The following SCAMP1 variants were observed in gnomAD, a reference collection of about 807,000 sequenced individuals.
SCAMP1 encodes secretory carrier-associated membrane protein 1.
SCAMP1 carries 15 observed loss-of-function variants against 41.8 expected under a neutral mutation model. The observed-to-expected ratio is 0.36, with a 90% confidence interval of 0.24 to 0.55. The LOEUF is 0.55. Among genes scored for constraint, SCAMP1 ranks in the 20% least tolerant of loss-of-function variants. The pLI is 0.86. For synonymous variants in SCAMP1, 135 were observed against 136.8 expected (o/e 0.99, Z 0.09); for missense variants, 341 against 412.6 (o/e 0.83, Z 1.50).
intron 7 of SCAMP1, among the ~76,000 whole-genome samples, chr5:78,451,749 G>A (rs535984377): frequency 3.9e-5 from 6 of 152,266 alleles, no homozygotes; most frequent in Non-Finnish European, 7.4e-5. Context: ...CCACCTCCTC[G>A]GTTCAAGTGA....
intron 1 of SCAMP1, among the ~76,000 whole-genome samples, chr5:78,361,887 AT>A (rs1750663430): frequency 6.6e-6 from 1 of 152,192 alleles, no homozygotes; most frequent in South Asian, 2.1e-4. Context: ...GAGGAAAACT[AT>A]TTCTGCTCTG....
At chr5:78,366,344 A>G (rs986337027) in intron 1 of SCAMP1, among the ~76,000 whole-genome samples, 1 of 152,008 alleles carries the variant, frequency 6.6e-6, no homozygotes, top group Non-Finnish European at 1.5e-5. Context: ...GAGTTTCACT[A>G]TGTTGGCCAG....
chr5:78,402,312 G>C (rs1289456361), intron 2 of SCAMP1, among the ~76,000 whole-genome samples: 1 of 151,740 alleles, frequency 6.6e-6, no homozygotes, highest in East Asian at 1.9e-4. Context: ...TGAAGTGGTT[G>C]ATAGGTGTTA....
chr5:78,374,795 T>C (rs1046928939), intron 1 of SCAMP1, among the ~76,000 whole-genome samples: 1 of 152,128 alleles, frequency 6.6e-6, no homozygotes, highest in African/African-American at 2.4e-5. Flanking sequence ...TCTATAAACA[T>C]AAGTGAGTTT....
chr5:78,380,699 G>T (rs992381412), intron 1 of SCAMP1, among the ~76,000 whole-genome samples: 3 of 152,098 alleles, frequency 2.0e-5, no homozygotes, highest in African/African-American at 7.2e-5. Context: ...TGAAGAAACA[G>T]AATATCACCA....
intron 1 of SCAMP1, among the ~76,000 whole-genome samples, chr5:78,379,845 T>C (rs1324113551): frequency 6.6e-6 from 1 of 152,254 alleles, no homozygotes; most frequent in Non-Finnish European, 1.5e-5. Flanking sequence ...GATTCATCTT[T>C]CTGATCCTAC....
chr5:78,367,362 A>ATTTTTTTT (rs1561248171), intron 1 of SCAMP1, among the ~76,000 whole-genome samples: 1 of 152,038 alleles, frequency 6.6e-6, no homozygotes, highest in Non-Finnish European at 1.5e-5. Context: ...CTTTTTTTTA[A>ATTTTTTTT]TGTTCTTTTC....
intron 2 of SCAMP1, among the ~76,000 whole-genome samples, chr5:78,398,499 G>A (rs1580664348): frequency 6.8e-6 from 1 of 147,012 alleles, no homozygotes; most frequent in Non-Finnish European, 1.5e-5. Flanking sequence ...CAAAATGCTA[G>A]GATTACAGGC....
chr5:78,370,848 C>T (rs1249768948), intron 1 of SCAMP1: 4 of 152,036 alleles, frequency 2.6e-5, no homozygotes, highest in African/African-American at 9.7e-5. Flanking sequence ...TTGCTATTAC[C>T]TGTTTTTTAT....
Position 78,459,340 on chromosome 5 carries a change from T to C in SCAMP1, c.830T>C (p.Ile277Thr). 1 of 1,561,034 alleles carries C rather than the reference T, an allele frequency of 6.4e-7. No individual in the cohort carries two copies. Among genetic ancestry groups the C allele is most frequent in the Non-Finnish European group, 8.8e-7 (1 of 1,133,146 alleles). Reference protein sequence around the residue: ...IAALFTASAVISLVMFKKVHG... With the variant: ...IAALFTASAVTSLVMFKKVHG... Reference sequence around the variant, plus strand: ...GCACTTTTCACAGCATCAGCAGTCATCTCACTAGTTATGTTCAAAAAAGTA... The same window carrying C: ...GCACTTTTCACAGCATCAGCAGTCACCTCACTAGTTATGTTCAAAAAAGTA... The change falls in exon 8 of 9, where the codon ATC becomes ACC. Residue 277 changes from isoleucine to threonine, a missense_variant. Physicochemically the swap from Ile to Thr is moderately conservative, Grantham distance 89. Transcript: ENST00000621999.
chr5:78,439,280 C>T (rs1236741996), intron 6 of SCAMP1, among the ~76,000 whole-genome samples: 4 of 150,602 alleles, frequency 2.7e-5, no homozygotes, highest in Admixed American at 2.6e-4. Context: ...GTTATTTTGC[C>T]TGTTAATTGA....
At chr5:78,374,901 G>A (rs1751028343) in intron 1 of SCAMP1, among the ~76,000 whole-genome samples, 1 of 152,118 alleles carries the variant, frequency 6.6e-6, no homozygotes, top group South Asian at 2.1e-4. Flanking sequence ...TATTAAGCAC[G>A]TATCACAGTT....
intron 8 of SCAMP1, among the ~76,000 whole-genome samples, chr5:78,462,307 G>C (rs1029840381): frequency 6.6e-6 from 1 of 151,658 alleles, no homozygotes; most frequent in African/African-American, 2.4e-5. Flanking sequence ...ACTGATTTTT[G>C]TATGTTGATT....
intron 6 of SCAMP1, among the ~76,000 whole-genome samples, chr5:78,430,672 T>C (rs1167718381): frequency 6.6e-6 from 1 of 151,926 alleles, no homozygotes; most frequent in African/African-American, 2.4e-5. Context: ...TATTTAGTCT[T>C]TATGGTCTTT....
chr5:78,411,370 C>G (rs1010300598), intron 2 of SCAMP1, among the ~76,000 whole-genome samples: 3 of 152,128 alleles, frequency 2.0e-5, no homozygotes, highest in South Asian at 2.1e-4. Context: ...TGTGGGGGAA[C>G]AAGCATTTGG....
chr5:78,368,430 G>C (rs762983579), intron 1 of SCAMP1, among the ~76,000 whole-genome samples: 36 of 151,994 alleles, frequency 2.4e-4, no homozygotes, highest in Non-Finnish European at 3.8e-4. Context: ...GTTTTTTTTG[G>C]ACTATGATTA....
At position 78,369,944 on chromosome 5, in the gene SCAMP1, A is replaced by G. The variant is rs141481976; in HGVS notation, c.57+9216A>G. Among the ~76,000 whole-genome samples the G allele has an allele frequency of 1.1e-3, 168 of 152,350 alleles. 1 individual carries two copies. The highest frequency in any genetic ancestry group is 3.9e-3 in the African/African-American group (162 of 41,578). ...CTTAACAAAGGTACTTGTCCAAAGCAGTGGAATAGCAGTTATCTCACTAGG... is the reference window on the plus strand; with the variant it reads ...CTTAACAAAGGTACTTGTCCAAAGCGGTGGAATAGCAGTTATCTCACTAGG... On this transcript the variant is annotated intron_variant, in intron 1 of 8. Transcript: ENST00000621999.
rs901842169 is a variant in SCAMP1, at chr5:78,466,524, A to G, written c.852+7162A>G. 2.6e-5 allele frequency among the ~76,000 whole-genome samples: 4 copies of G among 152,208 alleles called. No individual in the cohort carries two copies. The East Asian group carries it at 7.7e-4, about 29-fold the overall frequency. On this transcript the variant is annotated intron_variant, in intron 8 of 8. Coordinates refer to ENST00000621999, the MANE Select transcript of SCAMP1 (RefSeq NM_004866.6). ...TTCACATCTAGTTGTAGGAAATAAC[A>G]TGGCAAATTCAGGGAATTAAATGTA...
chr5:78,416,615 T>G lies in SCAMP1; in HGVS notation c.309T>G (p.Arg103=), dbSNP rs1752215751. The G allele has an allele frequency of 6.3e-7, 1 of 1,594,972 alleles. No individual in the cohort carries two copies. The highest frequency in any genetic ancestry group is 1.3e-5 in the African/African-American group (1 of 74,576). ...AAAGAAAAGCCGCAGAATTAGATCG[T>G]CGGGAACGAGAAATGCAAAACCTCA... ...ELERKAAELD[R]REREMQNLSQ... is the part of the protein sequence containing the mutation. The change falls in exon 4 of 9, where the codon CGT becomes CGG. Residue 103 remains arginine (R), a synonymous_variant. Transcript: ENST00000621999.
Sources: gnomAD v4.1 joint callset for allele counts (sites outside exome capture counted in the v4.1 genomes callset) on GRCh38, gnomAD v4.1.1 for gene constraint, MANE v1.5 for transcripts, NCBI Gene and HGNC (gene_info 2026-07-23, HGNC 2026-07-21) for gene names.